GABRG3: variants seen among roughly 807,000 people sequenced by gnomAD.
GABRG3 encodes gamma-aminobutyric acid type A receptor subunit gamma3.
In GABRG3, 25 loss-of-function variants were observed where a neutral mutation model predicts 48.8. That is an observed-to-expected ratio of 0.51 (90% CI 0.37 to 0.72). The LOEUF (loss-of-function observed/expected upper bound fraction) is 0.72, where lower values mean the gene tolerates loss of function less well. Among genes scored for constraint, GABRG3 ranks in the 30% least tolerant of loss-of-function variants. The pLI is 0.00. For missense variants in GABRG3, 394 were observed against 577.9 expected, an observed-to-expected ratio of 0.68 and a Z score of 3.26; for synonymous variants, 227 against 217.6, an observed-to-expected ratio of 1.04 and a Z score of -0.38.
chr15:27,252,895 G>T (rs549992710), intron 3 of GABRG3, among the ~76,000 whole-genome samples: 1 of 152,308 alleles, frequency 6.6e-6, no homozygotes, highest in African/African-American at 2.4e-5. Context: ...TCCAACACCG[G>T]CTTTGTTGTA....
chr15:27,327,589 C>G (rs1893658603), intron 4 of GABRG3, among the ~76,000 whole-genome samples: 1 of 152,216 alleles, frequency 6.6e-6, no homozygotes, highest in Admixed American at 6.5e-5. Flanking sequence ...CAGAGTCTAA[C>G]TGAACACACA....
intron 3 of GABRG3, among the ~76,000 whole-genome samples, chr15:27,038,459 C>CCT (rs1896216884): frequency 6.6e-6 from 1 of 152,158 alleles, no homozygotes; most frequent in Non-Finnish European, 1.5e-5. Flanking sequence ...GAGTTTCTTG[C>CCT]CTCTCCTGTC....
At chr15:27,353,474 C>T (rs1363685615) in intron 5 of GABRG3, among the ~76,000 whole-genome samples, 8 of 131,082 alleles carry the variant, frequency 6.1e-5, no homozygotes, top group South Asian at 5.2e-4. Flanking sequence ...GATGGAGTTT[C>T]GCTCTGTTGC....
At chr15:27,103,065 C>G (rs1218184676) in intron 3 of GABRG3, among the ~76,000 whole-genome samples, 1 of 152,174 alleles carries the variant, frequency 6.6e-6, no homozygotes, top group African/African-American at 2.4e-5. Flanking sequence ...TGAAACTAGT[C>G]TTCGTCCTAG....
In GABRG3 at chr15:26,975,566, G is replaced by T. The variant is rs2376481; in HGVS notation, c.54-1436G>T. The stretch of plus-strand genomic sequence containing the variant: ...AGTCTACGTTATGGCTAGTTAACAC[G>T]CTTTAAAAGACTCATGTATATATTA... On this transcript the variant is annotated intron_variant, in intron 1 of 9. Coordinates refer to ENST00000615808, the MANE Select transcript of GABRG3 (RefSeq NM_033223.5). This position sits in a 1 kb window ranked among gnomAD's most constrained non-coding sequence, Gnocchi z 4.6. Among the ~76,000 whole-genome samples the T allele has an allele frequency of 6.6e-6, 1 of 151,962 alleles. No individual in the cohort carries two copies. Among genetic ancestry groups the T allele is most frequent in the Non-Finnish European group, 1.5e-5 (1 of 67,992 alleles).
intron 5 of GABRG3, among the ~76,000 whole-genome samples, chr15:27,410,096 C>T (rs1381469923): frequency 6.6e-6 from 1 of 152,032 alleles, no homozygotes; most frequent in Non-Finnish European, 1.5e-5. Flanking sequence ...TTTCTCTATT[C>T]CTAATTTTCT....
chr15:27,177,873 A>G (rs1028162838), intron 3 of GABRG3, among the ~76,000 whole-genome samples: 2 of 152,198 alleles, frequency 1.3e-5, no homozygotes, highest in South Asian at 2.1e-4. Context: ...ATGGGCAAGT[A>G]GGAATTTGTA....
At chr15:27,273,834 A>G (rs1891166649) in intron 3 of GABRG3, among the ~76,000 whole-genome samples, 1 of 152,228 alleles carries the variant, frequency 6.6e-6, no homozygotes, top group Non-Finnish European at 1.5e-5. Context: ...GTTGCATAAT[A>G]CATTGCACCC....
chr15:27,291,027 G>A (rs1047093373), intron 3 of GABRG3, among the ~76,000 whole-genome samples: 1 of 152,178 alleles, frequency 6.6e-6, no homozygotes, highest in Non-Finnish European at 1.5e-5. Context: ...TGCATTTGGA[G>A]TTTACTGAAT....
intron 5 of GABRG3, among the ~76,000 whole-genome samples, chr15:27,426,470 T>C (rs999426023): frequency 6.6e-6 from 1 of 152,060 alleles, no homozygotes; most frequent in African/African-American, 2.4e-5. Flanking sequence ...GCCAAAGCCA[T>C]GAGGTACGAA....
At chr15:27,496,141 G>A (rs1418672701) in intron 6 of GABRG3, among the ~76,000 whole-genome samples, 1 of 152,142 alleles carries the variant, frequency 6.6e-6, no homozygotes, top group Non-Finnish European at 1.5e-5. Context: ...GGAGGGGTTT[G>A]GATTTGACAC....
intron 3 of GABRG3, among the ~76,000 whole-genome samples, chr15:27,200,256 GT>G (rs1888639039): frequency 1.3e-5 from 2 of 152,198 alleles, no homozygotes; most frequent in African/African-American, 4.8e-5. Context: ...TTTAAATTTA[GT>G]TTATGTGGGG....
chr15:27,219,992 G>T (rs576992994), intron 3 of GABRG3, among the ~76,000 whole-genome samples: 4 of 152,162 alleles, frequency 2.6e-5, no homozygotes, highest in Admixed American at 2.6e-4. Flanking sequence ...AACTTGGGTC[G>T]GCTCACCCAG....
rs191851752 is a variant in GABRG3 at position 27,415,529 on chromosome 15, G to C, written c.575-65121G>C. Among the ~76,000 whole-genome samples, 175 of 152,198 alleles carry C rather than the reference G, an allele frequency of 1.1e-3. 1 individual carries two copies. Among genetic ancestry groups the C allele is most frequent in the African/African-American group, 4.1e-3 (169 of 41,524 alleles). Reference sequence around the variant, plus strand: ...AATGATATGATGGACTCTGGGGACCGGGGGAAAGGGTGGGAGGGGGATGAG... The same window carrying C: ...AATGATATGATGGACTCTGGGGACCCGGGGAAAGGGTGGGAGGGGGATGAG... On this transcript the variant is annotated intron_variant, in intron 5 of 9. Coordinates refer to ENST00000615808, the MANE Select transcript of GABRG3 (RefSeq NM_033223.5).
intron 3 of GABRG3, among the ~76,000 whole-genome samples, chr15:27,156,095 C>T (rs1016478021): frequency 1.7e-4 from 26 of 151,726 alleles, no homozygotes; most frequent in East Asian, 5.8e-4. Context: ...GTCAAGAGAT[C>T]GAGACCATCC....
chr15:27,276,946 G>A (rs912966983), intron 3 of GABRG3, among the ~76,000 whole-genome samples: 1 of 152,218 alleles, frequency 6.6e-6, no homozygotes, highest in Non-Finnish European at 1.5e-5. Flanking sequence ...AGAAACAGGA[G>A]TTTGATTGAT....
chr15:27,308,389 A>T (rs1300917619), intron 3 of GABRG3, among the ~76,000 whole-genome samples: 1 of 145,496 alleles, frequency 6.9e-6, no homozygotes, highest in Non-Finnish European at 1.5e-5. Context: ...GTTTATATAT[A>T]AACATATAAT....
At position 27,447,949 on chromosome 15, in the gene GABRG3, A is replaced by T. The variant is rs182412929; in HGVS notation, c.575-32701A>T. On this transcript the variant is annotated intron_variant, in intron 5 of 9. Coordinates refer to ENST00000615808, the MANE Select transcript of GABRG3 (RefSeq NM_033223.5). This position sits in a 1 kb window ranked among gnomAD's most constrained non-coding sequence, Gnocchi z 4.0. ...AAACCACCATGGCACGTGTATACCT[A>T]TGTAGCAAACCTGTATGTTCTGCAC... is the stretch of plus-strand genomic sequence containing the variant. Among the ~76,000 whole-genome samples, 1 of 152,300 alleles carries T rather than the reference A, an allele frequency of 6.6e-6. No individual in the cohort carries two copies. Among genetic ancestry groups the T allele is most frequent in the Admixed American group, 6.5e-5 (1 of 15,296 alleles).
At chr15:27,246,988 G>A (rs1890290031) in intron 3 of GABRG3, among the ~76,000 whole-genome samples, 1 of 152,140 alleles carries the variant, frequency 6.6e-6, no homozygotes, top group Admixed American at 6.5e-5. Flanking sequence ...TTTATAAACA[G>A]GGTTCCTCTC....
Sources: allele counts gnomAD v4.1 joint callset (sites outside exome capture counted in the v4.1 genomes callset), GRCh38; gene constraint gnomAD v4.1.1; non-coding constraint Gnocchi (gnomAD v3.1); transcripts MANE v1.5; gene names NCBI Gene and HGNC (gene_info 2026-07-23, HGNC 2026-07-21).